Variants in C16orf87 observed in about 807,000 individuals in gnomAD.
C16orf87 encodes HDAC and MIER1 interacting protein 1, also known as UPF0547 protein C16orf87.
Under a neutral mutation model 21.0 loss-of-function variants are expected in C16orf87, and 13 were observed. That is an observed-to-expected ratio of 0.62 (90% CI 0.40 to 0.98). The LOEUF (loss-of-function observed/expected upper bound fraction) is 0.98, where lower values mean the gene tolerates loss of function less well. C16orf87 is among the 50% of genes least tolerant of loss of function. The pLI, the probability that C16orf87 is intolerant of heterozygous loss-of-function variation, is 0.00. For synonymous variants in C16orf87, 49 were observed against 60.2 expected, an observed-to-expected ratio of 0.81 and a Z score of 0.86; for missense variants, 113 against 180.4, an observed-to-expected ratio of 0.63 and a Z score of 2.14.
intron 2 of C16orf87, among the ~76,000 whole-genome samples, chr16:46,813,982 A>T (rs528928982): frequency 6.6e-6 from 1 of 152,354 alleles, no homozygotes; most frequent in South Asian, 2.1e-4. Flanking sequence ...TGAATAAATA[A>T]AATCGGATAG....
intron 2 of C16orf87, among the ~76,000 whole-genome samples, chr16:46,822,831 A>G (rs1470261356): frequency 6.6e-6 from 1 of 152,044 alleles, no homozygotes; most frequent in East Asian, 1.9e-4. Context: ...TCCTCTCTTC[A>G]TCCCACCCCA....
intron 3 of C16orf87, among the ~76,000 whole-genome samples, chr16:46,805,689 A>C (rs1967910677): frequency 6.6e-6 from 1 of 152,246 alleles, no homozygotes; most frequent in Admixed American, 6.5e-5. Context: ...GTGACCAAAG[A>C]AGCTGATTAG....
intron 2 of C16orf87, among the ~76,000 whole-genome samples, chr16:46,813,358 C>T (rs1968153669): frequency 6.6e-6 from 1 of 151,878 alleles, no homozygotes; most frequent in Non-Finnish European, 1.5e-5. Flanking sequence ...GCTTCCTGTA[C>T]CATCGCTAAG....
chr16:46,814,571 C>CAGTG (rs1455126995), intron 2 of C16orf87, among the ~76,000 whole-genome samples: 1 of 152,194 alleles, frequency 6.6e-6, no homozygotes, highest in Non-Finnish European at 1.5e-5. Context: ...CCACTAAACT[C>CAGTG]CCAATTATAC....
chr16:46,810,189 T>C (rs901795379), intron 2 of C16orf87, among the ~76,000 whole-genome samples: 2 of 152,162 alleles, frequency 1.3e-5, no homozygotes, highest in African/African-American at 4.8e-5. Context: ...GATTAAAATA[T>C]GTGAAATATG....
At chr16:46,812,400 T>G (rs1968115485) in intron 2 of C16orf87, among the ~76,000 whole-genome samples, 2 of 152,244 alleles carry the variant, frequency 1.3e-5, no homozygotes, top group South Asian at 4.1e-4. Flanking sequence ...ATCATTAATT[T>G]TTTATGTTAT....
At position 46,798,126 on chromosome 16, in the gene C16orf87, A is replaced by G. The variant is rs1010494993; in HGVS notation, c.*4826T>C. On this transcript the variant is annotated 3_prime_UTR_variant, in exon 4 of 4. Coordinates refer to ENST00000285697, the MANE Select transcript of C16orf87 (RefSeq NM_001001436.4). ...TCCGCCACAATAAGCTAGAAAAGGGAGCAAATAAGCCCAAAGCAAAGAAAG... is the reference window on the plus strand; with the variant it reads ...TCCGCCACAATAAGCTAGAAAAGGGGGCAAATAAGCCCAAAGCAAAGAAAG... 4.6e-5 allele frequency: 7 copies of G among 152,218 alleles called. No individual in the cohort carries two copies. The highest frequency in any genetic ancestry group is 1.0e-4 in the Non-Finnish European group (7 of 68,040). 9.4% of individuals were successfully genotyped at this position (152,218 alleles called of 1,614,324 possible).
chr16:46,830,264 C>G (rs370256622), intron 1 of C16orf87, among the ~76,000 whole-genome samples: 441 of 41,004 alleles, frequency 0.011, 1 homozygote, highest in African/African-American at 0.027. Flanking sequence ...TAGAGAGAGA[C>G]AGACAGAGAG....
chr16:46,803,045 G>C lies in C16orf87; in HGVS notation c.372C>G (p.Ile124Met), dbSNP rs773989833. The change falls in exon 4 of 4, where the codon ATC (isoleucine) becomes ATG (methionine). Residue 124 changes from isoleucine (I) to methionine (M), a missense_variant. Coordinates refer to ENST00000285697, the MANE Select transcript of C16orf87 (RefSeq NM_001001436.4). ...CCTTTTCATCAGACAGGTTAGCATA[G>C]ATGTCAATTTCCTTTTCCTGTTTCT... is the stretch of plus-strand genomic sequence containing the variant. ...EREKQEKEID[I>M]YANLSDEKAF... 3.8e-6 allele frequency: 6 copies of C among 1,586,632 alleles called. No homozygotes were observed. The highest frequency in any genetic ancestry group is 5.2e-6 in the Non-Finnish European group (6 of 1,160,712).
At chr16:46,821,374 C>T (rs1959409160) in intron 2 of C16orf87, among the ~76,000 whole-genome samples, 1 of 152,166 alleles carries the variant, frequency 6.6e-6, no homozygotes, top group African/African-American at 2.4e-5. Context: ...GCTTTGAATA[C>T]TCTTAATCCT....
intron 3 of C16orf87, among the ~76,000 whole-genome samples, chr16:46,805,007 C>T (rs895951613): frequency 2.6e-5 from 4 of 152,056 alleles, no homozygotes; most frequent in Non-Finnish European, 5.9e-5. Flanking sequence ...TTCTGAAAAC[C>T]TGAAAAATTT....
At chr16:46,825,250 G>A (rs961879469) in intron 1 of C16orf87, among the ~76,000 whole-genome samples, 13 of 152,078 alleles carry the variant, frequency 8.5e-5, no homozygotes, top group Non-Finnish European at 1.2e-4. Flanking sequence ...TAGTGAGAAC[G>A]GAAATGGAAA....
At chr16:46,814,472 G>C (rs1243764886) in intron 2 of C16orf87, among the ~76,000 whole-genome samples, 1 of 152,164 alleles carries the variant, frequency 6.6e-6, no homozygotes, top group Non-Finnish European at 1.5e-5. Context: ...ATGAAATACT[G>C]TAAGAGATTT....
intron 3 of C16orf87, 132 bp downstream of exon 3, chr16:46,809,471 G>T: frequency 3.2e-6 from 2 of 621,436 alleles, no homozygotes; most frequent in South Asian, 4.5e-5. Flanking sequence ...CAGAGGAAAT[G>T]CTTTCAAACT....
At chr16:46,809,068 A>C (rs1003152420) in intron 3 of C16orf87, among the ~76,000 whole-genome samples, 1 of 150,600 alleles carries the variant, frequency 6.6e-6, no homozygotes, top group Non-Finnish European at 1.5e-5. Context: ...GAGGCCAAGG[A>C]GGGCAGATTG....
At chr16:46,826,635 TTTG>T (rs1309201318) in intron 1 of C16orf87, among the ~76,000 whole-genome samples, 2 of 152,322 alleles carry the variant, frequency 1.3e-5, no homozygotes, top group Non-Finnish European at 2.9e-5. Flanking sequence ...AACAGCTTGC[TTTG>T]TTAAGAATGT....
At chr16:46,804,847 G>A (rs1271629689) in intron 3 of C16orf87, among the ~76,000 whole-genome samples, 5 of 152,156 alleles carry the variant, frequency 3.3e-5, no homozygotes, top group Non-Finnish European at 7.4e-5. Context: ...CATATAAATG[G>A]CATCATATAT....
chr16:46,807,487 A>G (rs1967964654), intron 3 of C16orf87, among the ~76,000 whole-genome samples: 1 of 152,148 alleles, frequency 6.6e-6, no homozygotes, highest in Non-Finnish European at 1.5e-5. Flanking sequence ...CAAGTAACAA[A>G]TGTGGCCCAC....
chr16:46,800,430 C>T lies in C16orf87; in HGVS notation c.*2522G>A, dbSNP rs565276971. On this transcript the variant is annotated 3_prime_UTR_variant, in exon 4 of 4. Transcript: ENST00000285697. ...CATTTCTAAAACTAACAAACAAAAT[C>T]AAACTACAAGTATTAAAGTGCCCAC... The T allele has an allele frequency of 6.6e-6, 1 of 152,200 alleles. No individual in the cohort carries two copies. The highest frequency in any genetic ancestry group is 2.1e-4 in the South Asian group (1 of 4,820). 9.4% of individuals were successfully genotyped at this position (152,200 alleles called of 1,614,324 possible). A position where few individuals can be genotyped will look rare whatever the true frequency, so the allele number is the denominator to read the frequency against.
Sources: gnomAD v4.1 joint callset for allele counts (sites outside exome capture counted in the v4.1 genomes callset) on GRCh38, gnomAD v4.1.1 for gene constraint, MANE v1.5 for transcripts, NCBI Gene and HGNC (gene_info 2026-07-23, HGNC 2026-07-21) for gene names.